The following UBE2G1 variants were observed in gnomAD, a reference collection of about 807,000 sequenced individuals.
UBE2G1 encodes the protein ubiquitin-conjugating enzyme E2 G1.
UBE2G1 carries 5 observed loss-of-function variants against 22.7 expected under a neutral mutation model. The ratio of observed to expected loss-of-function variants is 0.22; its 90% confidence interval spans 0.12 to 0.46. The LOEUF (loss-of-function observed/expected upper bound fraction) is 0.46, where lower values mean the gene tolerates loss of function less well. UBE2G1 is among the 20% of genes least tolerant of loss of function. UBE2G1 has a pLI of 0.99. For synonymous variants in UBE2G1, 74 were observed against 67.5 expected, an observed-to-expected ratio of 1.10 and a Z score of -0.47; for missense variants, 88 against 203.9, an observed-to-expected ratio of 0.43 and a Z score of 3.46.
intron 1 of UBE2G1, among the ~76,000 whole-genome samples, chr17:4,351,027 C>T (rs1326679990): frequency 2.1e-5 from 3 of 145,586 alleles, no homozygotes; most frequent in East Asian, 2.0e-4. Flanking sequence ...AGCAAGACTT[C>T]GTCAAAAAAA....
intron 2 of UBE2G1, chr17:4,302,308 G>A (rs1052106164): frequency 2.3e-5 from 11 of 472,724 alleles, no homozygotes; most frequent in African/African-American, 8.0e-5. Context: ...TGGGTTCTGC[G>A]TGTGGTTGCA....
At chr17:4,331,921 A>C (rs1033300264) in intron 1 of UBE2G1, 3 of 152,332 alleles carry the variant, frequency 2.0e-5, no homozygotes, top group Admixed American at 1.3e-4. Context: ...GAGAATGTCT[A>C]AAGTTGATAA....
intron 1 of UBE2G1, among the ~76,000 whole-genome samples, chr17:4,345,333 C>G (rs1969756486): frequency 6.6e-6 from 1 of 152,202 alleles, no homozygotes; most frequent in Non-Finnish European, 1.5e-5. Flanking sequence ...CGAGCAGATT[C>G]TAATGGCCTG....
At chr17:4,317,019 G>A (rs1229235020) in intron 1 of UBE2G1, among the ~76,000 whole-genome samples, 2 of 151,616 alleles carry the variant, frequency 1.3e-5, no homozygotes, top group Non-Finnish European at 1.5e-5. Flanking sequence ...CAGGAGGATC[G>A]CTTGAACCTA....
chr17:4,295,742 G>A lies in UBE2G1; in HGVS notation c.247+975C>T, dbSNP rs559526890. 2.6e-5 allele frequency among the ~76,000 whole-genome samples: 4 copies of A among 151,494 alleles called. No homozygotes were observed. The South Asian group carries it at 8.4e-4, about 32-fold the overall frequency. ...ATATAGCTTATCTGGCCTAAACTTTGGGGACTTTATTTTACTTTATAGAGA... is the reference window on the plus strand; with the variant it reads ...ATATAGCTTATCTGGCCTAAACTTTAGGGACTTTATTTTACTTTATAGAGA... On this transcript the variant is annotated intron_variant, in intron 3 of 5. Coordinates refer to ENST00000396981, the MANE Select transcript of UBE2G1 (RefSeq NM_003342.5).
intron 1 of UBE2G1, among the ~76,000 whole-genome samples, chr17:4,356,049 TAAAAAA>T (rs746982860): frequency 3.0e-5 from 3 of 99,098 alleles, no homozygotes; most frequent in Non-Finnish European, 3.9e-5. Flanking sequence ...TGTTTCACTT[TAAAAAA>T]AAAAAAAAAA....
At chr17:4,356,213 C>T (rs955793789) in intron 1 of UBE2G1, among the ~76,000 whole-genome samples, 4 of 151,718 alleles carry the variant, frequency 2.6e-5, no homozygotes, top group Non-Finnish European at 5.9e-5. Flanking sequence ...AAAAAACTAG[C>T]TGTGCCTGGT....
At chr17:4,292,125 C>T (rs773963049) in intron 3 of UBE2G1, among the ~76,000 whole-genome samples, 23 of 151,786 alleles carry the variant, frequency 1.5e-4, no homozygotes, top group Non-Finnish European at 3.2e-4. Flanking sequence ...CACCTGAGGT[C>T]GAGACCAGCC....
chr17:4,333,989 C>T (rs1969615055), intron 1 of UBE2G1, among the ~76,000 whole-genome samples: 1 of 115,864 alleles, frequency 8.6e-6, no homozygotes, highest in South Asian at 2.5e-4. Context: ...AAAACAAAGA[C>T]TGGCATTCAG....
chr17:4,311,521 T>A (rs1969309659), intron 1 of UBE2G1, among the ~76,000 whole-genome samples: 1 of 152,156 alleles, frequency 6.6e-6, no homozygotes, highest in Non-Finnish European at 1.5e-5. Context: ...CAGGCTAAGT[T>A]AAAGAAGCAG....
chr17:4,362,705 C>T (rs1048527955), intron 1 of UBE2G1, among the ~76,000 whole-genome samples: 1 of 152,088 alleles, frequency 6.6e-6, no homozygotes, highest in East Asian at 1.9e-4. Flanking sequence ...AAATTTTATA[C>T]AAAAATTAGC....
intron 4 of UBE2G1, among the ~76,000 whole-genome samples, chr17:4,286,812 C>T (rs909174849): frequency 5.3e-5 from 8 of 151,992 alleles, no homozygotes; most frequent in African/African-American, 1.2e-4. Context: ...GAGGCCAAGG[C>T]GGGCAGATCA....
At chr17:4,292,509 C>G (rs539941151) in intron 3 of UBE2G1, among the ~76,000 whole-genome samples, 1 of 152,308 alleles carries the variant, frequency 6.6e-6, no homozygotes, top group African/African-American at 2.4e-5. Flanking sequence ...TGGCTTCTCC[C>G]TAGCAGGATG....
At position 4,301,060 on chromosome 17, in the gene UBE2G1, AAAAT is replaced by A. The variant is rs1395123152; in HGVS notation, c.150-4250_150-4247del. Among the ~76,000 whole-genome samples the A allele has an allele frequency of 7.2e-5, 11 of 152,304 alleles. No homozygotes were observed. The East Asian group carries it at 2.1e-3, about 29-fold the overall frequency. On this transcript the variant is annotated intron_variant, in intron 2 of 5. Coordinates refer to ENST00000396981, the MANE Select transcript of UBE2G1 (RefSeq NM_003342.5). ...ATTACTGTTTTTGAGTTAAATTATA[AAAAT>A]CTTACAAGGATCAAATCCTACCATA...
At chr17:4,355,266 G>A (rs372740237) in intron 1 of UBE2G1, among the ~76,000 whole-genome samples, 38 of 150,648 alleles carry the variant, frequency 2.5e-4, no homozygotes, top group African/African-American at 8.0e-4. Flanking sequence ...GCCTCCCAAA[G>A]TTCTGGGATT....
intron 1 of UBE2G1, among the ~76,000 whole-genome samples, chr17:4,326,122 C>A (rs566799820): frequency 2.0e-5 from 3 of 151,814 alleles, no homozygotes; most frequent in Admixed American, 6.6e-5. Flanking sequence ...TGATCTGGAT[C>A]AAAATTTAAA....
chr17:4,292,384 A>T (rs1969053047), intron 3 of UBE2G1, among the ~76,000 whole-genome samples: 1 of 151,880 alleles, frequency 6.6e-6, no homozygotes, highest in South Asian at 2.1e-4. Flanking sequence ...CAATGCATAT[A>T]CTTCTAGCTA....
chr17:4,302,051 G>T (rs1969187283), intron 2 of UBE2G1: 3 of 499,150 alleles, frequency 6.0e-6, no homozygotes, highest in Middle Eastern at 3.4e-4. Context: ...AAAAAAAGGG[G>T]GGGGAAGTTT....
intron 3 of UBE2G1, among the ~76,000 whole-genome samples, chr17:4,289,914 T>A (rs965518838): frequency 1.3e-5 from 2 of 152,208 alleles, no homozygotes; most frequent in Non-Finnish European, 2.9e-5. Flanking sequence ...AATTGTATTT[T>A]CTGAGAAAGG....
Sources: allele counts gnomAD v4.1 joint callset (sites outside exome capture counted in the v4.1 genomes callset), GRCh38; gene constraint gnomAD v4.1.1; transcripts MANE v1.5; gene names NCBI Gene and HGNC (gene_info 2026-07-23, HGNC 2026-07-21).